The following RNF38 variants were observed in gnomAD, a reference collection of about 807,000 sequenced individuals.
The protein encoded by RNF38 is ring finger protein 38.
Under a neutral mutation model 67.2 loss-of-function variants are expected in RNF38, and 15 were observed. The ratio of observed to expected loss-of-function variants is 0.22; its 90% CI spans 0.15 to 0.34. The LOEUF is 0.34. RNF38 is among the 10% of genes least tolerant of loss of function. RNF38 has a pLI of 1.00. For missense variants in RNF38, 524 were observed against 639.9 expected (o/e 0.82, Z 1.95); for synonymous variants, 220 against 218.8 (o/e 1.01, Z -0.05).
At chr9:36,375,367 T>G (rs546494698) in intron 3 of RNF38, among the ~76,000 whole-genome samples, 1 of 152,170 alleles carries the variant, frequency 6.6e-6, no homozygotes, top group East Asian at 1.9e-4. Context: ...ATTTTTTGTT[T>G]TTTTGAGAGA....
intron 1 of RNF38, among the ~76,000 whole-genome samples, chr9:36,462,575 G>C (rs1360991120): frequency 1.3e-5 from 2 of 152,106 alleles, no homozygotes; most frequent in African/African-American, 4.8e-5. Context: ...GCACACTTTT[G>C]CGTCAGGGCT....
At position 36,388,801 on chromosome 9, in the gene RNF38, T is replaced by C. The variant is rs181497452; in HGVS notation, c.162+1666A>G. Among the ~76,000 whole-genome samples, 360 of 152,116 alleles carry C rather than the reference T, an allele frequency of 2.4e-3. 2 individuals carry two copies. The highest frequency in any genetic ancestry group is 0.01 in the South Asian group (49 of 4,826). On this transcript the variant is annotated intron_variant, in intron 2 of 11. Transcript: ENST00000259605. ...TAAAAAGAAGGAAAAGTAGAAAGAA[T>C]TGGGAGAGAAGGTACTTGAGGAGAA... is the stretch of plus-strand genomic sequence containing the variant.
intron 1 of RNF38, among the ~76,000 whole-genome samples, chr9:36,450,286 C>T (rs997731351): frequency 6.6e-6 from 1 of 152,004 alleles, no homozygotes; most frequent in Non-Finnish European, 1.5e-5. Flanking sequence ...TAATTATATT[C>T]TCAAAAGGCT....
At chr9:36,452,351 T>C (rs1170311888) in intron 1 of RNF38, among the ~76,000 whole-genome samples, 1 of 151,988 alleles carries the variant, frequency 6.6e-6, no homozygotes, top group East Asian at 1.9e-4. Flanking sequence ...AGCAGTCAGC[T>C]CTCCCCCATT....
chr9:36,365,213 T>C (rs886882646), intron 4 of RNF38, among the ~76,000 whole-genome samples: 1 of 101,390 alleles, frequency 9.9e-6, no homozygotes, highest in African/African-American at 3.7e-5. Context: ...ATGTGCCGCT[T>C]TTAAGAACTA....
At chr9:36,370,005 ATATC>A in intron 3 of RNF38, 73 bp from the exon 4 acceptor site, 3 of 1,194,042 alleles carry the variant, frequency 2.5e-6, no homozygotes, top group Middle Eastern at 2.8e-4. Flanking sequence ...TCTTTCTTTG[ATATC>A]TATCAATAGT....
chr9:36,432,141 T>G (rs534667784), intron 1 of RNF38, among the ~76,000 whole-genome samples: 53 of 144,448 alleles, frequency 3.7e-4, no homozygotes, highest in South Asian at 8.9e-4. Flanking sequence ...AAGTTTTTTT[T>G]GTTTTTTTTT....
Position 36,339,706 on chromosome 9 carries a change from C to T in RNF38, c.*46G>A. Reference sequence around the variant, plus strand: ...AAGTTCAATGGATAGTCCGTATATACATGTGATGAGGAACACCCAAACTAA... The same window carrying T: ...AAGTTCAATGGATAGTCCGTATATATATGTGATGAGGAACACCCAAACTAA... On this transcript the variant is annotated 3_prime_UTR_variant, in exon 12 of 12. Coordinates refer to ENST00000259605, the MANE Select transcript of RNF38 (RefSeq NM_022781.5). The T allele has an allele frequency of 6.8e-7, 1 of 1,463,278 alleles. No homozygotes were observed. The highest frequency in any genetic ancestry group is 9.5e-7 in the Non-Finnish European group (1 of 1,048,664). The allele number at this position is 1,463,278 out of a possible 1,614,324, so 90.6% of individuals were successfully genotyped here.
chr9:36,351,326 A>G, intron 8 of RNF38, 127 bp from the exon 9 acceptor site: 1 of 600,370 alleles, frequency 1.7e-6, no homozygotes, highest in Non-Finnish European at 2.8e-6. Flanking sequence ...AAATTTAACA[A>G]AACATATGCA....
chr9:36,349,628 G>A (rs1258852105), intron 9 of RNF38, among the ~76,000 whole-genome samples: 1 of 152,064 alleles, frequency 6.6e-6, no homozygotes, highest in Non-Finnish European at 1.5e-5. Context: ...TTAGTTCAAT[G>A]TAGTCCTAGT....
intron 2 of RNF38, among the ~76,000 whole-genome samples, chr9:36,408,266 A>ATTTTTTTTTTT (rs35564069): frequency 7.4e-6 from 1 of 134,718 alleles, no homozygotes; most frequent in Non-Finnish European, 1.6e-5. Flanking sequence ...AACAGACTTA[A>ATTTTTTTTTTT]TTTTTTTTTT....
At chr9:36,412,573 A>G (rs1231481696) in intron 2 of RNF38, among the ~76,000 whole-genome samples, 1 of 152,222 alleles carries the variant, frequency 6.6e-6, no homozygotes, top group African/African-American at 2.4e-5. Context: ...TGAATGGCTT[A>G]GCGCCATCCA....
chr9:36,400,363 G>A, upstream of RNF38: 1 of 1,204,996 alleles, frequency 8.3e-7, no homozygotes, highest in African/African-American at 1.6e-5. Context: ...GAGAGAGCGA[G>A]GCCATCTGCC....
chr9:36,354,985 T>C (rs1833992810), intron 6 of RNF38, among the ~76,000 whole-genome samples: 1 of 152,206 alleles, frequency 6.6e-6, no homozygotes, highest in Non-Finnish European at 1.5e-5. Context: ...CAAATTTAGA[T>C]ACAAGTGATA....
chr9:36,373,094 C>T (rs1286792388), intron 3 of RNF38, among the ~76,000 whole-genome samples: 1 of 152,070 alleles, frequency 6.6e-6, no homozygotes, highest in African/African-American at 2.4e-5. Context: ...GTAATCCCAG[C>T]TACTTGTGAG....
chr9:36,343,580 C>T (rs1833003769), intron 10 of RNF38, among the ~76,000 whole-genome samples: 1 of 151,426 alleles, frequency 6.6e-6, no homozygotes, highest in South Asian at 2.1e-4. Flanking sequence ...ACTAGACTGG[C>T]TATAATAAAA....
intron 1 of RNF38, among the ~76,000 whole-genome samples, chr9:36,453,363 T>C (rs1839505721): frequency 6.6e-6 from 1 of 151,510 alleles, no homozygotes; most frequent in Non-Finnish European, 1.5e-5. Flanking sequence ...CACAGGTGCA[T>C]GCCACCATGT....
chr9:36,468,232 G>A (rs1213626408), intron 1 of RNF38, among the ~76,000 whole-genome samples: 1 of 135,740 alleles, frequency 7.4e-6, no homozygotes, highest in Non-Finnish European at 1.6e-5. Flanking sequence ...GCAGAGCAAT[G>A]TTCTGTCTTA....
At chr9:36,346,872 C>T (rs759057909) in intron 9 of RNF38, among the ~76,000 whole-genome samples, 2 of 152,048 alleles carry the variant, frequency 1.3e-5, no homozygotes, top group Non-Finnish European at 2.9e-5. Flanking sequence ...AATCCCAGCA[C>T]TTTGGGAGGC....
Sources: gnomAD v4.1 joint callset for allele counts (sites outside exome capture counted in the v4.1 genomes callset) on GRCh38, gnomAD v4.1.1 for gene constraint, MANE v1.5 for transcripts, NCBI Gene and HGNC (gene_info 2026-07-23, HGNC 2026-07-21) for gene names.